ZNF385D: variants seen among roughly 807,000 people sequenced by gnomAD.
The protein encoded by ZNF385D is zinc finger protein 385D, also known as zinc finger protein 659.
Under a neutral mutation model 35.8 loss-of-function variants are expected in ZNF385D, and 15 were observed. The observed-to-expected ratio is 0.42, with a 90% CI of 0.28 to 0.64. The LOEUF (loss-of-function observed/expected upper bound fraction) is 0.64, where lower values mean the gene tolerates loss of function less well. Ranked by LOEUF, ZNF385D falls within the 30% of genes least tolerant of loss-of-function variation. ZNF385D has a pLI of 0.23. For synonymous variants in ZNF385D, 212 were observed against 186.8 expected (o/e 1.13, Z -1.10); for missense variants, 474 against 494.6 (o/e 0.96, Z 0.39).
In ZNF385D at chr3:21,816,652, G is replaced by T. The variant is rs538980892; in HGVS notation, c.326-151624C>A. On this transcript the variant is annotated intron_variant, in intron 3 of 5. Coordinates refer to the ZNF385D transcript ENST00000494108. ...GGGATGTGAAGGACCTCTTCAAGGA[G>T]AACTACAAACCACTGCTCAATGAAA... 2.0e-5 allele frequency among the ~76,000 whole-genome samples: 3 copies of T among 152,220 alleles called. No individual in the cohort carries two copies. The South Asian group carries it at 6.2e-4, about 32-fold the overall frequency.
intron 3 of ZNF385D, among the ~76,000 whole-genome samples, chr3:21,514,695 C>T (rs908664989): frequency 3.3e-5 from 5 of 151,716 alleles, no homozygotes; most frequent in African/African-American, 1.2e-4. Context: ...TGTCACTTTC[C>T]TTTTTGTGTC....
chr3:22,199,172 A>T (rs1052030994), intron 2 of ZNF385D, among the ~76,000 whole-genome samples: 1 of 152,020 alleles, frequency 6.6e-6, no homozygotes, highest in Non-Finnish European at 1.5e-5. Flanking sequence ...TGTTTTTGCC[A>T]TTTTAAGGTC....
At chr3:21,902,597 G>T (rs956408103) in intron 3 of ZNF385D, among the ~76,000 whole-genome samples, 1 of 151,982 alleles carries the variant, frequency 6.6e-6, no homozygotes, top group Non-Finnish European at 1.5e-5. Context: ...GAAATTAATC[G>T]GTCTTTTTAA....
At chr3:21,597,498 AAG>A (rs1339368831) in intron 2 of ZNF385D, among the ~76,000 whole-genome samples, 6 of 152,176 alleles carry the variant, frequency 3.9e-5, no homozygotes, top group African/African-American at 1.4e-4. Context: ...ATAAAGGAGA[AAG>A]AGAGAATGAG....
chr3:22,023,248 C>A (rs78932664), intron 3 of ZNF385D, among the ~76,000 whole-genome samples: 7,185 of 152,200 alleles, frequency 0.047, 194 homozygotes, highest in Middle Eastern at 0.078. Context: ...AGCAGAGTGG[C>A]AACTGAGTCT....
chr3:21,777,589 C>G (rs1359660154), intron 3 of ZNF385D: 1 of 151,918 alleles, frequency 6.6e-6, no homozygotes, highest in Non-Finnish European at 1.5e-5. Flanking sequence ...TTCATTATAA[C>G]ATTTGTGAAG....
chr3:22,002,450 A>G (rs896795127), intron 3 of ZNF385D, among the ~76,000 whole-genome samples: 3 of 152,136 alleles, frequency 2.0e-5, no homozygotes, highest in African/African-American at 7.2e-5. Context: ...GTCTTCCAGA[A>G]AAGAAAATCC....
chr3:21,491,547 G>A (rs1705425738), intron 4 of ZNF385D, among the ~76,000 whole-genome samples: 1 of 152,094 alleles, frequency 6.6e-6, no homozygotes, highest in African/African-American at 2.4e-5. Flanking sequence ...TGGTTTGTCT[G>A]CATACACAGA....
chr3:21,563,310 G>T, intron 3 of ZNF385D: 1 of 152,484 alleles, frequency 6.6e-6, no homozygotes. Context: ...TCAGCCTCCG[G>T]AACTGTGAGA....
At chr3:21,648,984 T>C (rs1038986447) in intron 2 of ZNF385D, among the ~76,000 whole-genome samples, 3 of 152,164 alleles carry the variant, frequency 2.0e-5, no homozygotes, top group African/African-American at 7.2e-5. Context: ...CTACATTATA[T>C]ATCTAGTAAG....
At chr3:21,684,850 G>T (rs1487533296) in intron 1 of ZNF385D, among the ~76,000 whole-genome samples, 1 of 152,136 alleles carries the variant, frequency 6.6e-6, no homozygotes, top group Non-Finnish European at 1.5e-5. Flanking sequence ...GATTAATTTT[G>T]TTCAAAGGGA....
chr3:22,266,856 T>C (rs1382408735), intron 2 of ZNF385D, among the ~76,000 whole-genome samples: 3 of 151,932 alleles, frequency 2.0e-5, no homozygotes, highest in African/African-American at 7.2e-5. Context: ...TGTTCTCTTT[T>C]CTGGGAAAGG....
intron 3 of ZNF385D, among the ~76,000 whole-genome samples, chr3:22,069,713 C>A (rs1004739606): frequency 6.6e-6 from 1 of 152,068 alleles, no homozygotes; most frequent in African/African-American, 2.4e-5. Context: ...ATTCTGGGCC[C>A]TTTTTTAGAT....
intron 2 of ZNF385D, among the ~76,000 whole-genome samples, chr3:22,195,620 A>G (rs1322429242): frequency 6.6e-6 from 1 of 151,962 alleles, no homozygotes; most frequent in Admixed American, 6.6e-5. Context: ...ATATTCTGAA[A>G]TTTTCAAAAA....
chr3:22,252,607 T>C (rs756126964), intron 2 of ZNF385D, among the ~76,000 whole-genome samples: 5 of 152,058 alleles, frequency 3.3e-5, no homozygotes, highest in Non-Finnish European at 5.9e-5. Context: ...CCATGTATCA[T>C]CTCATTTGAC....
At chr3:21,995,551 G>A (rs1173574700) in intron 3 of ZNF385D, among the ~76,000 whole-genome samples, 2 of 152,062 alleles carry the variant, frequency 1.3e-5, no homozygotes, top group South Asian at 2.1e-4. Flanking sequence ...GCTGGATGAT[G>A]TGCATGAGTG....
At chr3:21,974,590 C>G (rs557619311) in intron 3 of ZNF385D, among the ~76,000 whole-genome samples, 1 of 152,066 alleles carries the variant, frequency 6.6e-6, no homozygotes, top group South Asian at 2.1e-4. Context: ...ATCAAGTAAA[C>G]AGCTCCTGCA....
intron 3 of ZNF385D, among the ~76,000 whole-genome samples, chr3:22,090,044 T>A (rs780586351): frequency 6.5e-4 from 99 of 152,288 alleles, no homozygotes; most frequent in Non-Finnish European, 1.3e-3. Flanking sequence ...TTCACCATGT[T>A]GGCCAGGATG....
chr3:21,929,589 T>A (rs1174212526), intron 3 of ZNF385D, among the ~76,000 whole-genome samples: 2 of 152,006 alleles, frequency 1.3e-5, no homozygotes, highest in Non-Finnish European at 2.9e-5. Flanking sequence ...CTAGAAATAA[T>A]AAACAAGTTC....
Sources: gnomAD v4.1 joint callset for allele counts (sites outside exome capture counted in the v4.1 genomes callset) on GRCh38, gnomAD v4.1.1 for gene constraint, MANE v1.5 for transcripts, NCBI Gene and HGNC (gene_info 2026-07-23, HGNC 2026-07-21) for gene names.